C6orf62: variants seen among roughly 807,000 people sequenced by gnomAD.
The protein encoded by C6orf62 is chromosome 6 open reading frame 62, also known as uncharacterized protein C6orf62.
In C6orf62, 16 loss-of-function variants were observed where a neutral mutation model predicts 26.8. The ratio of observed to expected loss-of-function variants is 0.60; its 90% CI spans 0.40 to 0.91. C6orf62 has a LOEUF of 0.91. C6orf62 is among the 40% of genes least tolerant of loss of function. C6orf62 has a pLI of 0.00. For missense variants in C6orf62, 192 were observed against 271.4 expected (o/e 0.71, Z 2.06); for synonymous variants, 112 against 91.5 (o/e 1.22, Z -1.28).
upstream of C6orf62, chr6:24,720,012 A>AGGGGC: frequency 2.3e-5 from 33 of 1,462,898 alleles, no homozygotes; most frequent in Non-Finnish European, 2.7e-5. Context: ...TTCTAAAGTA[A>AGGGGC]GCCCACCCAC....
upstream of C6orf62, chr6:24,720,162 G>C (rs1779326603): frequency 2.2e-6 from 3 of 1,362,104 alleles, no homozygotes; most frequent in African/African-American, 3.0e-5. Context: ...AGCTAGGGCG[G>C]GGTGGGTGAC....
Position 24,718,760 on chromosome 6 carries a change from T to C in C6orf62, c.-92A>G. 3 of 1,568,544 alleles carry C rather than the reference T, an allele frequency of 1.9e-6. No individual in the cohort carries two copies. The highest frequency in any genetic ancestry group is 2.8e-5 in the African/African-American group (2 of 72,268). On this transcript the variant is annotated 5_prime_UTR_variant, in exon 1 of 5. An upstream start codon of the reference 5' UTR is lost. Coordinates refer to ENST00000378119, the MANE Select transcript of C6orf62 (RefSeq NM_030939.5). Reference sequence around the variant, plus strand: ...ACTCAAGTACAACAGAAACAAGTCATTTTTTTTCCTGCTAATATGATTGAT... The same window carrying C: ...ACTCAAGTACAACAGAAACAAGTCACTTTTTTTCCTGCTAATATGATTGAT...
In C6orf62 at chr6:24,716,338, A is replaced by C. The variant is rs368234194; in HGVS notation, c.130-14T>G. ...TGACTTTTTCTTCTAGAAGAAAAGAAAATGGTGTATTAACCCACAGGGAGC... is the reference window on the plus strand; with the variant it reads ...TGACTTTTTCTTCTAGAAGAAAAGACAATGGTGTATTAACCCACAGGGAGC... On this transcript the variant is annotated splice_polypyrimidine_tract_variant and intron_variant, in intron 1 of 4. Transcript: ENST00000378119. 4.3e-5 allele frequency: 69 copies of C among 1,606,372 alleles called. No homozygotes were observed. The African/African-American group carries it at 8.7e-4, about 20-fold the overall frequency.
At chr6:24,707,195 A>T (rs1217638905) in intron 4 of C6orf62, 3 of 152,214 alleles carry the variant, frequency 2.0e-5, no homozygotes, top group African/African-American at 7.2e-5. Context: ...ACCTTACGTT[A>T]AATTTAACAA....
Position 24,708,849 on chromosome 6 carries a change from C to T in C6orf62, c.492G>A (p.Lys164=). 2 of 1,614,162 alleles carry T rather than the reference C, an allele frequency of 1.2e-6. No individual in the cohort carries two copies. The highest frequency in any genetic ancestry group is 1.7e-6 in the Non-Finnish European group (2 of 1,180,040). The part of the protein sequence containing the change: ...EKQFLHVLSR[K]DKTGIVVNNP... ...TGTTGACAACGATTCCAGTCTTGTC[C>T]TTGCGGCTCAGTACATGCAGAAACT... The change falls in exon 4 of 5, where the codon AAG becomes AAA. Residue 164 remains lysine (K), a synonymous_variant. Coordinates refer to ENST00000378119, the MANE Select transcript of C6orf62 (RefSeq NM_030939.5).
At chr6:24,719,548 G>A (rs889340164), upstream of C6orf62, 14 of 1,200,410 alleles carry the variant, frequency 1.2e-5, no homozygotes, top group Admixed American at 4.3e-5. Context: ...CTGCCAAGGA[G>A]AATCATGACG....
chr6:24,709,177 A>ATC (rs1408616630), intron 3 of C6orf62: 3 of 976,232 alleles, frequency 3.1e-6, no homozygotes, highest in East Asian at 2.3e-4. Flanking sequence ...ATTAAGAACA[A>ATC]TCTCTTGAGA....
chr6:24,719,155 C>CAAAA (rs5875002), upstream of C6orf62: 102 of 876,612 alleles, frequency 1.2e-4, no homozygotes, highest in Middle Eastern at 5.7e-4. Context: ...CCTTGCTTTC[C>CAAAA]AAAAAAAAAA....
upstream of C6orf62, chr6:24,719,718 G>A: frequency 2.7e-6 from 4 of 1,508,400 alleles, no homozygotes; most frequent in Admixed American, 4.3e-5. Flanking sequence ...ATGGTGGGGA[G>A]TGCGATTTAT....
At chr6:24,715,957 T>G (rs1779220665) in intron 2 of C6orf62, among the ~76,000 whole-genome samples, 191 bp downstream of exon 2, 1 of 151,236 alleles carries the variant, frequency 6.6e-6, no homozygotes, top group Admixed American at 6.6e-5. Context: ...TAAAAAAACG[T>G]GTTTTTCTAA....
At chr6:24,719,829 C>T, upstream of C6orf62, 3 of 1,549,538 alleles carry the variant, frequency 1.9e-6, no homozygotes, top group Non-Finnish European at 2.6e-6. Context: ...GGTCCCACCC[C>T]CACCCCTTGC....
At chr6:24,719,204 A>G, upstream of C6orf62, 1 of 985,000 alleles carries the variant, frequency 1.0e-6, no homozygotes. Flanking sequence ...AAAACCAAAC[A>G]CCAAAACAGG....
chr6:24,719,314 G>A (rs1355389070), upstream of C6orf62: 13 of 994,136 alleles, frequency 1.3e-5, no homozygotes, highest in Non-Finnish European at 1.6e-5. Context: ...CTATTGCTAT[G>A]TATTGTCAGT....
chr6:24,712,489 T>C (rs1000713728), intron 3 of C6orf62, among the ~76,000 whole-genome samples: 5 of 151,528 alleles, frequency 3.3e-5, no homozygotes, highest in African/African-American at 1.2e-4. Context: ...GCCAACATGG[T>C]GAAAACCCGT....
chr6:24,706,039 C>T lies in C6orf62; in HGVS notation c.*98G>A, dbSNP rs1240555232. The T allele has an allele frequency of 2.0e-6, 3 of 1,505,806 alleles. No individual in the cohort carries two copies. Among genetic ancestry groups the T allele is most frequent in the African/African-American group, 2.8e-5 (2 of 71,658 alleles). The allele number at this position is 1,505,806 out of a possible 1,614,324, so 93.3% of individuals were successfully genotyped here. ...AATGCATAGTGTTCTGTGCATGAGTCCATTTTCTTTAAACTCTGAAAGAAT... is the reference window on the plus strand; with the variant it reads ...AATGCATAGTGTTCTGTGCATGAGTTCATTTTCTTTAAACTCTGAAAGAAT... On this transcript the variant is annotated 3_prime_UTR_variant, in exon 5 of 5. Transcript: ENST00000378119.
rs1386410234 is a variant in C6orf62, at chr6:24,705,884, G to GT, written c.*252dup. 2.8e-6 allele frequency: 1 copy of GT among 353,808 alleles called. No individual in the cohort carries two copies. The highest frequency in any genetic ancestry group is 5.1e-6 in the Non-Finnish European group (1 of 197,834). The allele number at this position is 353,808 out of a possible 1,614,324, so 21.9% of individuals were successfully genotyped here. A position where few individuals can be genotyped will look rare whatever the true frequency, so the allele number is the denominator to read the frequency against. ...ATAGTCCTTTCATTTCACATTTTTA[G>GT]TAAGATACTGATGCAGTGCAGCAAA... On this transcript the variant is annotated 3_prime_UTR_variant, in exon 5 of 5. Coordinates refer to ENST00000378119, the MANE Select transcript of C6orf62 (RefSeq NM_030939.5).
upstream of C6orf62, chr6:24,719,789 C>T: frequency 3.2e-6 from 5 of 1,546,932 alleles, 1 homozygote; most frequent in South Asian, 6.0e-5. Flanking sequence ...CCAGGCGGTG[C>T]CCGGAGACCA....
chr6:24,711,436 T>C (rs1427199242), intron 3 of C6orf62, among the ~76,000 whole-genome samples: 3 of 152,164 alleles, frequency 2.0e-5, no homozygotes, highest in African/African-American at 4.8e-5. Flanking sequence ...AAGAACTCAG[T>C]ATTTAAAAAC....
intron 3 of C6orf62, chr6:24,709,937 T>C (rs1313072943): frequency 1.5e-5 from 15 of 985,428 alleles, no homozygotes; most frequent in South Asian, 4.7e-5. Context: ...TAGGAAATAA[T>C]AACATTGAAA....
Sources: allele counts gnomAD v4.1 joint callset (sites outside exome capture counted in the v4.1 genomes callset), GRCh38; gene constraint gnomAD v4.1.1; transcripts MANE v1.5; gene names NCBI Gene and HGNC (gene_info 2026-07-23, HGNC 2026-07-21).